The following FRMD6 variants were observed in gnomAD, a reference collection of about 807,000 sequenced individuals.
FRMD6 encodes the protein FERM domain containing 6.
In FRMD6, 37 loss-of-function variants were observed where a neutral mutation model predicts 73.2. The observed-to-expected ratio is 0.51, with a 90% CI of 0.39 to 0.66. FRMD6 has a LOEUF of 0.66. Ranked by LOEUF, FRMD6 falls within the 30% of genes least tolerant of loss-of-function variation. FRMD6 has a pLI of 0.00. For synonymous variants in FRMD6, 273 were observed against 282.2 expected (o/e 0.97, Z 0.33); for missense variants, 714 against 780.5 (o/e 0.91, Z 1.02).
the FRMD6 span, among the ~76,000 whole-genome samples, chr14:51,478,952 A>G: frequency 9.2e-5 from 14 of 152,214 alleles, no homozygotes; most frequent in Non-Finnish European, 1.9e-4. Flanking sequence ...GAGAAAACCT[A>G]TAATATTGTG....
At position 51,562,669 on chromosome 14, in the gene FRMD6, A is replaced by G. The variant is rs1887547640; in HGVS notation, c.-209-7679A>G. On this transcript the variant is annotated intron_variant, in intron 1 of 14. Transcript: ENST00000356218. ...GGTTATCATAATGGGTTGGGAGAAT[A>G]TATTACCAAGAAGATTTGAGTCAGT... Among the ~76,000 whole-genome samples, 5 of 152,312 alleles carry G rather than the reference A, an allele frequency of 3.3e-5. No individual in the cohort carries two copies. In the South Asian group the frequency reaches 1.0e-3, roughly 32 times the overall value.
At chr14:51,639,089 A>AT (rs201522244) in intron 2 of FRMD6, among the ~76,000 whole-genome samples, 2,003 of 151,806 alleles carry the variant, frequency 0.013, 12 homozygotes, top group Non-Finnish European at 0.019. Flanking sequence ...AGGTGTTCCC[A>AT]TTTTTTGCCA....
chr14:51,580,003 A>T (rs1888623141), intron 2 of FRMD6, among the ~76,000 whole-genome samples: 1 of 152,202 alleles, frequency 6.6e-6, no homozygotes, highest in Middle Eastern at 3.4e-3. Flanking sequence ...TCCCTCTCAA[A>T]CCCAACAATG....
At chr14:51,463,793 T>C in the FRMD6 span, among the ~76,000 whole-genome samples, 3 of 152,160 alleles carry the variant, frequency 2.0e-5, no homozygotes, top group South Asian at 2.1e-4. Flanking sequence ...CAGTTATAAA[T>C]GTTTTCCTGA....
At chr14:51,595,570 TACATAGGGTGA>T (rs1288292318) in intron 2 of FRMD6, among the ~76,000 whole-genome samples, 1 of 151,850 alleles carries the variant, frequency 6.6e-6, no homozygotes, top group Non-Finnish European at 1.5e-5. Context: ...TATAGGGGAG[TACATAGGGTGA>T]ACCCTGACAG....
the FRMD6 span, among the ~76,000 whole-genome samples, chr14:51,455,227 C>A: frequency 5.3e-5 from 8 of 152,168 alleles, no homozygotes; most frequent in Admixed American, 5.2e-4. Context: ...CCTAAGCTAA[C>A]CTGATTATGA....
At chr14:51,681,887 C>T (rs1275681591) in intron 1 of FRMD6, among the ~76,000 whole-genome samples, 1 of 152,112 alleles carries the variant, frequency 6.6e-6, no homozygotes, top group Non-Finnish European at 1.5e-5. Flanking sequence ...ATCAACCATG[C>T]TTTCCAGTTA....
chr14:51,676,469 C>T (rs570069618), intron 1 of FRMD6, among the ~76,000 whole-genome samples: 1 of 152,238 alleles, frequency 6.6e-6, no homozygotes, highest in African/African-American at 2.4e-5. Context: ...GTATGTGGTA[C>T]ATGGTGGTTA....
At chr14:51,648,117 G>A (rs144103125), upstream of FRMD6, among the ~76,000 whole-genome samples, 460 of 152,242 alleles carry the variant, frequency 3.0e-3, 4 homozygotes, top group African/African-American at 0.01. Flanking sequence ...GAGCCACCGC[G>A]CCCAGCCAAT....
At chr14:51,475,483 C>T in the FRMD6 span, among the ~76,000 whole-genome samples, 8 of 152,168 alleles carry the variant, frequency 5.3e-5, no homozygotes, top group Admixed American at 5.2e-4. Context: ...TCTAGGAGGG[C>T]TGTGGCCACC....
chr14:51,592,179 G>T (rs1459238985), intron 2 of FRMD6, among the ~76,000 whole-genome samples: 1 of 152,176 alleles, frequency 6.6e-6, no homozygotes, highest in Non-Finnish European at 1.5e-5. Flanking sequence ...TGATCAGAGA[G>T]GAAATTGTGA....
intron 1 of FRMD6, among the ~76,000 whole-genome samples, chr14:51,504,526 G>A (rs185302784): frequency 2.0e-5 from 3 of 152,292 alleles, no homozygotes; most frequent in East Asian, 1.9e-4. Context: ...TTTTTCAGTC[G>A]CTGACACAGC....
the FRMD6 span, among the ~76,000 whole-genome samples, chr14:51,483,864 CT>C: frequency 6.6e-6 from 1 of 152,166 alleles, no homozygotes; most frequent in African/African-American, 2.4e-5. Flanking sequence ...TCATGTAACT[CT>C]TAGAACAACC....
intron 2 of FRMD6, among the ~76,000 whole-genome samples, chr14:51,620,612 C>G (rs1436592876): frequency 6.6e-6 from 1 of 152,220 alleles, no homozygotes; most frequent in Non-Finnish European, 1.5e-5. Context: ...ACCATCATCT[C>G]TTGACCCCTA....
At chr14:51,538,578 G>A (rs1479557496) in intron 1 of FRMD6, among the ~76,000 whole-genome samples, 1 of 152,014 alleles carries the variant, frequency 6.6e-6, no homozygotes, top group Non-Finnish European at 1.5e-5. Context: ...TTTGTATTTG[G>A]TGTGAGATAT....
chr14:51,693,260 C>G (rs570782510), intron 2 of FRMD6, among the ~76,000 whole-genome samples: 2 of 152,166 alleles, frequency 1.3e-5, no homozygotes, highest in African/African-American at 4.8e-5. Context: ...GATTAACACT[C>G]AGCATAATTT....
the FRMD6 span, among the ~76,000 whole-genome samples, chr14:51,439,958 T>C: frequency 2.0e-3 from 300 of 152,302 alleles, no homozygotes; most frequent in Non-Finnish European, 3.3e-3. Flanking sequence ...CAACCAACAA[T>C]TGTCTGAGCT....
intron 2 of FRMD6, among the ~76,000 whole-genome samples, chr14:51,637,025 A>T (rs768274172): frequency 4.6e-5 from 7 of 152,068 alleles, no homozygotes; most frequent in Non-Finnish European, 1.0e-4. Flanking sequence ...GGAGTTTGAG[A>T]CCAGTCTGGG....
the FRMD6 span, among the ~76,000 whole-genome samples, chr14:51,482,569 A>G: frequency 1.3e-5 from 2 of 152,214 alleles, no homozygotes; most frequent in African/African-American, 4.8e-5. Flanking sequence ...GGAAAGCCGC[A>G]AAAATTCTTA....
Sources: allele counts gnomAD v4.1 joint callset (sites outside exome capture counted in the v4.1 genomes callset), GRCh38; gene constraint gnomAD v4.1.1; transcripts MANE v1.5; gene names NCBI Gene and HGNC (gene_info 2026-07-23, HGNC 2026-07-21).